HMGB1: variants seen among roughly 807,000 people sequenced by gnomAD.
HMGB1 encodes the protein high mobility group protein B1.
For synonymous variants in HMGB1, 81 were observed against 84.0 expected (o/e 0.96, Z 0.19); for missense variants, 79 against 253.5 (o/e 0.31, Z 4.67).
intron 1 of HMGB1, among the ~76,000 whole-genome samples, chr13:30,557,373 A>G (rs1359301841): frequency 6.6e-6 from 1 of 152,190 alleles, no homozygotes; most frequent in East Asian, 1.9e-4. Flanking sequence ...CAGAGCTAAA[A>G]AGAATGCCTA....
At chr13:30,464,498 TG>T in intron 1 of HMGB1, 5 of 984,792 alleles carry the variant, frequency 5.1e-6, no homozygotes, top group Non-Finnish European at 6.0e-6. Flanking sequence ...ACTTCGCCGG[TG>T]GCCGCGCGGC....
intron 1 of HMGB1, among the ~76,000 whole-genome samples, chr13:30,515,186 G>A (rs1032970473): frequency 1.3e-5 from 2 of 152,244 alleles, no homozygotes; most frequent in African/African-American, 4.8e-5. Context: ...TTTAGAACCA[G>A]ACAGCAGTGC....
rs1405010152 is a variant in HMGB1, at chr13:30,524,353, A to G, written c.-14-60659T>C. 1.8e-3 allele frequency among the ~76,000 whole-genome samples: 253 copies of G among 141,252 alleles called. 1 individual carries two copies. Among genetic ancestry groups the G allele is most frequent in the African/African-American group, 6.4e-3 (239 of 37,178 alleles). The allele number at this position is 141,252 out of a possible 152,430, so 92.7% of individuals were successfully genotyped here. ...AAAGTATATTAAAAAAAAAAAAAAAAAAAAGAAAAAAAAGAAGAACTGCCT... is the reference window on the plus strand; with the variant it reads ...AAAGTATATTAAAAAAAAAAAAAAAGAAAAGAAAAAAAAGAAGAACTGCCT... On this transcript the variant is annotated intron_variant, in intron 1 of 4. Coordinates refer to the HMGB1 transcript ENST00000405805.
chr13:30,528,902 G>A (rs1007374287), intron 1 of HMGB1, among the ~76,000 whole-genome samples: 2 of 151,892 alleles, frequency 1.3e-5, no homozygotes, highest in African/African-American at 2.4e-5. Context: ...GGTGGCGGGC[G>A]CCTCTAGTCC....
intron 1 of HMGB1, among the ~76,000 whole-genome samples, chr13:30,555,033 GT>G (rs1007919529): frequency 0.04 from 2,888 of 72,318 alleles, 27 homozygotes; most frequent in African/African-American, 0.15. Context: ...GTGTCGTTGT[GT>G]TTTTTTTTTT....
intron 1 of HMGB1, among the ~76,000 whole-genome samples, chr13:30,484,782 GA>G (rs1887324619): frequency 1.3e-5 from 2 of 151,722 alleles, no homozygotes; most frequent in African/African-American, 4.8e-5. Context: ...GAGGAGAGGA[GA>G]GGAGAGAAGA....
At chr13:30,535,269 T>C (rs1412646526) in intron 1 of HMGB1, among the ~76,000 whole-genome samples, 3 of 152,232 alleles carry the variant, frequency 2.0e-5, no homozygotes, top group African/African-American at 4.8e-5. Flanking sequence ...AGGAGGGAAC[T>C]TCAGTGTTTG....
In HMGB1 at chr13:30,538,771, C is replaced by CCT. The variant is rs762068085; in HGVS notation, c.-14-75078_-14-75077insAG. Among the ~76,000 whole-genome samples, 370 of 126,706 alleles carry CCT rather than the reference C, an allele frequency of 2.9e-3. 3 individuals are homozygous for CCT. Among genetic ancestry groups the CCT allele is most frequent in the Admixed American group, 9.7e-3 (119 of 12,296 alleles). 83.1% of individuals were successfully genotyped at this position (126,706 alleles called of 152,430 possible). ...TTTTTCTTTCTTTCTCTTTCTCTCT[C>CCT]TCTTTCCTTCTTTCTTTTTCTTTCT... On this transcript the variant is annotated intron_variant, in intron 1 of 4. Transcript: ENST00000405805.
rs148057221 is a variant in HMGB1 at position 30,521,197 on chromosome 13, C to T, written c.-14-57503G>A. The stretch of plus-strand genomic sequence containing the variant: ...ATTATTATCAATGGCCTTTGTGTTG[C>T]CCTTATTTTTTCCCAGAACGGTTTT... On this transcript the variant is annotated intron_variant, in intron 1 of 4. Transcript: ENST00000405805. Among the ~76,000 whole-genome samples the T allele has an allele frequency of 4.9e-4, 74 of 152,190 alleles. No individual in the cohort carries two copies. In the East Asian group the frequency reaches 8.5e-3, roughly 17 times the overall value.
rs1318719912 is a variant in HMGB1, at chr13:30,464,161, C to T, written c.-14-467G>A. 1.2e-5 allele frequency: 12 copies of T among 983,290 alleles called. No individual in the cohort carries two copies. In the South Asian group the frequency reaches 4.7e-4, roughly 39 times the overall value. The allele number at this position is 983,290 out of a possible 1,614,324, so 60.9% of individuals were successfully genotyped here. A position where few individuals can be genotyped will look rare whatever the true frequency, so the allele number is the denominator to read the frequency against. On this transcript the variant is annotated intron_variant, in intron 1 of 4. Coordinates refer to ENST00000341423, the MANE Select transcript of HMGB1 (RefSeq NM_002128.7). ...TGGGACCTTAAAAAAAAAAAATCAC[C>T]GTGCACCGAAAGTTTCAAAAAACAC...
intron 1 of HMGB1, among the ~76,000 whole-genome samples, chr13:30,580,608 T>C (rs1340091186): frequency 6.6e-6 from 1 of 152,244 alleles, no homozygotes; most frequent in East Asian, 1.9e-4. Context: ...TGCCAGGGAA[T>C]GGACTATATA....
At chr13:30,594,316 G>A (rs1355071587) in intron 1 of HMGB1, among the ~76,000 whole-genome samples, 2 of 152,066 alleles carry the variant, frequency 1.3e-5, no homozygotes, top group Non-Finnish European at 1.5e-5. Flanking sequence ...TGTTCCTGTT[G>A]CCACAACAGT....
At chr13:30,484,638 G>A (rs1287294528) in intron 1 of HMGB1, among the ~76,000 whole-genome samples, 3 of 152,300 alleles carry the variant, frequency 2.0e-5, no homozygotes, top group Admixed American at 2.0e-4. Context: ...GGGAGGCCAA[G>A]GCAGGAGGAC....
Position 30,456,762 on chromosome 13 carries a change from G to GC in HMGB1, c.*4594_*4595insG, listed in dbSNP as rs1463444300. 1 of 104,556 alleles carries GC rather than the reference G, an allele frequency of 9.6e-6. No homozygotes were observed. The highest frequency in any genetic ancestry group is 2.0e-5 in the Non-Finnish European group (1 of 51,116). 6.5% of individuals were successfully genotyped at this position (104,556 alleles called of 1,614,324 possible). ...GCATAAATAACAGCTTTTGTGGGCG[G>GC]GGGGGGGGGGTGGTGGGGTGCAATT... On this transcript the variant is annotated 3_prime_UTR_variant, in exon 5 of 5. Transcript: ENST00000341423.
chr13:30,610,176 T>C (rs191431539), intron 1 of HMGB1, among the ~76,000 whole-genome samples: 1 of 152,326 alleles, frequency 6.6e-6, no homozygotes, highest in Admixed American at 6.5e-5. Context: ...TAGTCAACAA[T>C]ATATGCTATC....
intron 1 of HMGB1, among the ~76,000 whole-genome samples, chr13:30,513,973 T>G (rs1888047488): frequency 6.6e-6 from 1 of 152,084 alleles, no homozygotes. Context: ...GGTCTCAAAC[T>G]CTTGGCCTCA....
chr13:30,503,685 TG>T (rs1187035488), intron 1 of HMGB1, among the ~76,000 whole-genome samples: 1 of 140,536 alleles, frequency 7.1e-6, no homozygotes, highest in East Asian at 2.1e-4. Flanking sequence ...AACTCCTAGG[TG>T]CTAAGCTTAG....
At chr13:30,606,040 T>C (rs2137569459) in intron 1 of HMGB1, among the ~76,000 whole-genome samples, 1 of 152,324 alleles carries the variant, frequency 6.6e-6, no homozygotes, top group Non-Finnish European at 1.5e-5. Context: ...AATATGTGAT[T>C]TGCAAACCAG....
chr13:30,567,264 A>C (rs1870223587), intron 1 of HMGB1, among the ~76,000 whole-genome samples: 1 of 152,122 alleles, frequency 6.6e-6, no homozygotes, highest in Non-Finnish European at 1.5e-5. Flanking sequence ...CCAGTGCTCC[A>C]TTCAAAGAAA....
Sources: allele counts gnomAD v4.1 joint callset (sites outside exome capture counted in the v4.1 genomes callset), GRCh38; gene constraint gnomAD v4.1.1; transcripts MANE v1.5; gene names NCBI Gene and HGNC (gene_info 2026-07-23, HGNC 2026-07-21).